GLIS3: variants seen among roughly 807,000 people sequenced by gnomAD.
GLIS3 encodes zinc finger protein GLIS3.
In GLIS3, 53 loss-of-function variants were observed where a neutral mutation model predicts 78.6. That is an observed-to-expected ratio of 0.67 (90% confidence interval 0.54 to 0.85). The LOEUF (loss-of-function observed/expected upper bound fraction) is 0.85, where lower values mean the gene tolerates loss of function less well. GLIS3 is among the 40% of genes least tolerant of loss of function. GLIS3 has a pLI of 0.00. For missense variants in GLIS3, 1,703 were observed against 1,231.1 expected (o/e 1.38, Z -5.74); for synonymous variants, 684 against 509.9 (o/e 1.34, Z -4.60).
At chr9:3,856,352 C>T (rs950231340) in intron 8 of GLIS3, among the ~76,000 whole-genome samples, 168 bp from the exon 9 acceptor site, 1 of 152,144 alleles carries the variant, frequency 6.6e-6, no homozygotes, top group African/African-American at 2.4e-5. Context: ...TCTCCCTCCC[C>T]ACTGCCATTT....
chr9:3,872,684 T>C (rs1001963373), intron 8 of GLIS3, among the ~76,000 whole-genome samples: 1 of 152,174 alleles, frequency 6.6e-6, no homozygotes, highest in Non-Finnish European at 1.5e-5. Context: ...CCACAACACG[T>C]AGGAATTATG....
At chr9:4,371,545 T>G in the GLIS3 span, among the ~76,000 whole-genome samples, 9 of 152,132 alleles carry the variant, frequency 5.9e-5, no homozygotes, top group African/African-American at 2.2e-4. Context: ...TGCCTAGACT[T>G]GCCAATGGGG....
chr9:3,829,171 G>C, intron 10 of GLIS3, 139 bp downstream of exon 10: 3 of 721,998 alleles, frequency 4.2e-6, no homozygotes, highest in Non-Finnish European at 7.5e-6. Flanking sequence ...GTGGAGATGA[G>C]AGCCATTTCA....
intron 4 of GLIS3, among the ~76,000 whole-genome samples, chr9:4,033,882 A>AAC (rs1185555009): frequency 6.6e-6 from 1 of 150,744 alleles, no homozygotes; most frequent in Non-Finnish European, 1.5e-5. Context: ...AAAAAAAAAA[A>AAC]AAAAAAAACT....
chr9:4,028,905 C>T (rs1478145113), intron 4 of GLIS3, among the ~76,000 whole-genome samples: 1 of 152,004 alleles, frequency 6.6e-6, no homozygotes, highest in Non-Finnish European at 1.5e-5. Flanking sequence ...TTCTCTTATT[C>T]CTTATGCAAA....
chr9:3,898,576 A>T, intron 7 of GLIS3, 115 bp downstream of exon 7: 4 of 1,241,514 alleles, frequency 3.2e-6, no homozygotes, highest in Non-Finnish European at 4.7e-6. Context: ...GCCCATTGAT[A>T]AAGAACAACA....
At chr9:4,395,949 T>A in the GLIS3 span, among the ~76,000 whole-genome samples, 1 of 151,558 alleles carries the variant, frequency 6.6e-6, no homozygotes, top group South Asian at 2.1e-4. Flanking sequence ...AATTTTTGTA[T>A]TTTTAGTAGA....
Position 4,058,938 on chromosome 9 carries a change from C to T in GLIS3, c.1710+58830G>A, listed in dbSNP as rs1034173119. On this transcript the variant is annotated intron_variant, in intron 4 of 10. Transcript: ENST00000381971. Reference sequence around the variant, plus strand: ...TGGAGCTTGCAGTGAGCCAAGATTGCGCCACTGCACTCCAGCGTGGGCCAC... The same window carrying T: ...TGGAGCTTGCAGTGAGCCAAGATTGTGCCACTGCACTCCAGCGTGGGCCAC... Among the ~76,000 whole-genome samples, 108 of 151,050 alleles carry T rather than the reference C, an allele frequency of 7.1e-4. No homozygotes were observed. The Middle Eastern group carries it at 0.017, about 24-fold the overall frequency.
intron 2 of GLIS3, among the ~76,000 whole-genome samples, chr9:4,211,807 T>C (rs929947170): frequency 1.3e-5 from 2 of 152,214 alleles, no homozygotes; most frequent in Non-Finnish European, 2.9e-5. Context: ...TAAAATGTAA[T>C]ATACTCATTC....
chr9:4,219,172 G>T (rs949830142), intron 2 of GLIS3, among the ~76,000 whole-genome samples: 1 of 152,212 alleles, frequency 6.6e-6, no homozygotes, highest in Non-Finnish European at 1.5e-5. Context: ...CATGCCAGTA[G>T]GTTGTCCTGA....
At chr9:4,092,429 GT>G (rs1829600218) in intron 4 of GLIS3, among the ~76,000 whole-genome samples, 1 of 152,014 alleles carries the variant, frequency 6.6e-6, no homozygotes, top group African/African-American at 2.4e-5. Flanking sequence ...TTTATTTTTT[GT>G]TTGATTCTTC....
intron 4 of GLIS3, among the ~76,000 whole-genome samples, chr9:4,074,341 C>T (rs1479086532): frequency 6.6e-6 from 1 of 152,184 alleles, no homozygotes; most frequent in Non-Finnish European, 1.5e-5. Flanking sequence ...TAGTTCTCCT[C>T]TTTCCTGATT....
At chr9:4,275,705 G>GTGAGCTA (rs1269479003) in intron 2 of GLIS3, among the ~76,000 whole-genome samples, 1 of 152,128 alleles carries the variant, frequency 6.6e-6, no homozygotes, top group Non-Finnish European at 1.5e-5. Flanking sequence ...CAAGGCTGCA[G>GTGAGCTA]TGAGCTATGA....
the GLIS3 span, among the ~76,000 whole-genome samples, chr9:4,430,120 T>C: frequency 1.3e-5 from 2 of 152,128 alleles, no homozygotes; most frequent in African/African-American, 4.8e-5. Context: ...CTCTGATGCC[T>C]ACAGATGTCA....
At chr9:4,444,013 T>C in the GLIS3 span, among the ~76,000 whole-genome samples, 2 of 152,170 alleles carry the variant, frequency 1.3e-5, no homozygotes, top group Non-Finnish European at 2.9e-5. Flanking sequence ...GTGTAATGTG[T>C]TGATGATTCA....
At chr9:4,209,708 C>T (rs1241414358) in intron 2 of GLIS3, among the ~76,000 whole-genome samples, 2 of 152,178 alleles carry the variant, frequency 1.3e-5, no homozygotes, top group African/African-American at 4.8e-5. Context: ...GTCACTCCTA[C>T]TGACATTCTG....
chr9:4,088,374 A>T (rs957412029), intron 4 of GLIS3, among the ~76,000 whole-genome samples: 1 of 152,268 alleles, frequency 6.6e-6, no homozygotes, highest in African/African-American at 2.4e-5. Flanking sequence ...TAATTAAAGA[A>T]GAGAGAAAGG....
chr9:4,219,252 T>A (rs1784389334), intron 2 of GLIS3, among the ~76,000 whole-genome samples: 1 of 152,216 alleles, frequency 6.6e-6, no homozygotes, highest in Non-Finnish European at 1.5e-5. Context: ...CAACATCAAG[T>A]ACATAGGCTA....
chr9:4,093,131 G>A (rs1829663201), intron 4 of GLIS3, among the ~76,000 whole-genome samples: 1 of 152,128 alleles, frequency 6.6e-6, no homozygotes, highest in Non-Finnish European at 1.5e-5. Context: ...ATTTACAGAT[G>A]AGAAAAATGA....
Sources: gnomAD v4.1 joint callset for allele counts (sites outside exome capture counted in the v4.1 genomes callset) on GRCh38, gnomAD v4.1.1 for gene constraint, MANE v1.5 for transcripts, NCBI Gene and HGNC (gene_info 2026-07-23, HGNC 2026-07-21) for gene names.